FNDC10: variants seen among roughly 807,000 people sequenced by gnomAD.
The protein encoded by FNDC10 is fibronectin type III domain-containing protein 10.
FNDC10 carries 8 observed loss-of-function variants against 11.6 expected under a neutral mutation model. The ratio of observed to expected loss-of-function variants is 0.69; its 90% CI spans 0.41 to 1.25. FNDC10 has a LOEUF of 1.25. Ranked by LOEUF, FNDC10 falls within the 50% of genes most tolerant of loss-of-function variation. The probability of loss-of-function intolerance (pLI) is 0.01; values close to 1 mark genes in which losing one functional copy is unlikely to be tolerated. For missense variants in FNDC10, 308 were observed against 330.2 expected, an observed-to-expected ratio of 0.93 and a Z score of 0.52; for synonymous variants, 187 against 162.9, an observed-to-expected ratio of 1.15 and a Z score of -1.12.
chr1:1,599,614 C>T lies in FNDC10; in HGVS notation c.402G>A (p.Leu134=). ...GGACGCTGTCGTGCACGTCGGGCAGCAGGTAGTCGCGGCAGGAGGCCCCGA... is the reference window on the plus strand; with the variant it reads ...GGACGCTGTCGTGCACGTCGGGCAGTAGGTAGTCGCGGCAGGAGGCCCCGA... ...VLLGASCRDY[L]LPDVHDSVLY... Residue 134 remains leucine (L), a synonymous_variant, in exon 1 of 1, where the codon CTG becomes CTA. Transcript: ENST00000422725. This position sits in a 1 kb window ranked among gnomAD's most constrained non-coding sequence, Gnocchi z 6.7. 1 of 1,499,766 alleles carries T rather than the reference C, an allele frequency of 6.7e-7. No individual in the cohort carries two copies. Among genetic ancestry groups the T allele is most frequent in the South Asian group, 1.2e-5 (1 of 80,766 alleles). The allele number at this position is 1,499,766 out of a possible 1,614,324, so 92.9% of individuals were successfully genotyped here. A position where few individuals can be genotyped will look rare whatever the true frequency, so the allele number is the denominator to read the frequency against.
In FNDC10 at chr1:1,600,023, C is replaced by T. The variant is rs1643095582; in HGVS notation, c.-8G>A. On this transcript the variant is annotated 5_prime_UTR_variant, in exon 1 of 1. Transcript: ENST00000422725. ...CAGCGGCGGGGCGCGCATCCTGCGGCGGGGCCACGGGGCGCGGCGCTGGGT... is the reference window on the plus strand; with the variant it reads ...CAGCGGCGGGGCGCGCATCCTGCGGTGGGGCCACGGGGCGCGGCGCTGGGT... The T allele has an allele frequency of 4.1e-6, 4 of 978,794 alleles. No homozygotes were observed. Among genetic ancestry groups the T allele is most frequent in the Non-Finnish European group, 4.8e-6 (4 of 826,990 alleles). The allele number at this position is 978,794 out of a possible 1,614,324, so 60.6% of individuals were successfully genotyped here.
Position 1,599,646 on chromosome 1 carries a change from C to T in FNDC10, c.370G>A (p.Val124Met). The change falls in exon 1 of 1, where the codon GTG (valine) becomes ATG (methionine). Residue 124 changes from valine (V) to methionine (M), a missense_variant. Physicochemically the swap from Val to Met is conservative, Grantham distance 21 (BLOSUM62 1). Transcript: ENST00000422725. The surrounding 1 kb of genome is among the most constrained non-coding windows in gnomAD (Gnocchi z 6.7). ...GAYTRFPCER[V>M]LLGASCRDYL... ...TCGCGGCAGGAGGCCCCGAGGAGCA[C>T]GCGCTCGCACGGGAAGCGCGTGTAG... The T allele has an allele frequency of 6.8e-7, 1 of 1,477,336 alleles. No individual in the cohort carries two copies. Among genetic ancestry groups the T allele is most frequent in the Admixed American group, 2.3e-5 (1 of 44,202 alleles). 91.5% of individuals were successfully genotyped at this position (1,477,336 alleles called of 1,614,324 possible).
chr1:1,599,032 C>T lies in FNDC10; in HGVS notation c.*303G>A, dbSNP rs761992683. On this transcript the variant is annotated 3_prime_UTR_variant, in exon 1 of 1. Coordinates refer to ENST00000422725, the MANE Select transcript of FNDC10 (RefSeq NM_001242659.2). This position sits in a 1 kb window ranked among gnomAD's most constrained non-coding sequence, Gnocchi z 6.7. ...TGAGCCGGAGTGCCCATGGCTCTTG[C>T]TGGAAGGGGCTCCATGCCCTGGCCG... 2.5e-5 allele frequency: 11 copies of T among 443,508 alleles called. No individual in the cohort carries two copies. Among genetic ancestry groups the T allele is most frequent in the Non-Finnish European group, 3.6e-5 (9 of 251,066 alleles). The allele number at this position is 443,508 out of a possible 1,614,324, so 27.5% of individuals were successfully genotyped here.
rs1643091734 is a variant in FNDC10, at chr1:1,599,822, T to G, written c.194A>C (p.Gln65Pro). 2 of 1,129,998 alleles carry G rather than the reference T, an allele frequency of 1.8e-6. No individual in the cohort carries two copies. Among genetic ancestry groups the G allele is most frequent in the Non-Finnish European group, 1.1e-6 (1 of 926,382 alleles). The allele number at this position is 1,129,998 out of a possible 1,614,324, so 70.0% of individuals were successfully genotyped here. The change falls in exon 1 of 1, where the codon CAG (glutamine) becomes CCG (proline). Residue 65 changes from glutamine (Q) to proline (P), a missense_variant. By Grantham distance (76) the Gln-to-Pro change is moderately conservative. Coordinates refer to ENST00000422725, the MANE Select transcript of FNDC10 (RefSeq NM_001242659.2). The surrounding 1 kb of genome is among the most constrained non-coding windows in gnomAD (Gnocchi z 6.7). ...GGCGTGCAGCACGCAGCCCGGAGCC[T>G]GGCAGCGGAAGCCGCGCGCGGGGCT... ...FRSPARGFRC[Q>P]APGCVLHAPA... is the part of the protein sequence containing the mutation.
At position 1,599,650 on chromosome 1, in the gene FNDC10, C is replaced by T; in HGVS notation, c.366G>A (p.Glu122=). 5 of 1,477,726 alleles carry T rather than the reference C, an allele frequency of 3.4e-6. No individual in the cohort carries two copies. The highest frequency in any genetic ancestry group is 4.5e-6 in the Non-Finnish European group (5 of 1,118,720). The allele number at this position is 1,477,726 out of a possible 1,614,324, so 91.5% of individuals were successfully genotyped here. A position where few individuals can be genotyped will look rare whatever the true frequency, so the allele number is the denominator to read the frequency against. Residue 122 remains glutamate, a synonymous_variant, in exon 1 of 1, where the codon GAG becomes GAA. Transcript: ENST00000422725. The surrounding 1 kb of genome is among the most constrained non-coding windows in gnomAD (Gnocchi z 6.7). ...WRGAYTRFPC[E]RVLLGASCRD... ...GGCAGGAGGCCCCGAGGAGCACGCG[C>T]TCGCACGGGAAGCGCGTGTAGGCGC...
chr1:1,599,774 G>C lies in FNDC10; in HGVS notation c.242C>G (p.Ala81Gly). 8.0e-7 allele frequency: 1 copy of C among 1,251,744 alleles called. No homozygotes were observed. The highest frequency in any genetic ancestry group is 1.0e-6 in the Non-Finnish European group (1 of 1,002,656). 77.5% of individuals were successfully genotyped at this position (1,251,744 alleles called of 1,614,324 possible). ...LHAPAGRSLRASVLRNRSVLL... is the reference protein window; with the variant it reads ...LHAPAGRSLRGSVLRNRSVLL... ...GACGCTGCGGTTGCGCAGGACGCTG[G>C]CGCGCAGGGAGCGGCCGGCCGGGGC... Residue 81 changes from alanine (A) to glycine (G), a missense_variant, in exon 1 of 1, where the codon GCC becomes GGC. Physicochemically the swap from Ala to Gly is moderately conservative, Grantham distance 60 (BLOSUM62 0). Transcript: ENST00000422725. The surrounding 1 kb of genome is among the most constrained non-coding windows in gnomAD (Gnocchi z 6.7).
At position 1,599,024 on chromosome 1, in the gene FNDC10, G is replaced by A. The variant is rs1643079157; in HGVS notation, c.*311C>T. On this transcript the variant is annotated 3_prime_UTR_variant, in exon 1 of 1. Coordinates refer to ENST00000422725, the MANE Select transcript of FNDC10 (RefSeq NM_001242659.2). This position sits in a 1 kb window ranked among gnomAD's most constrained non-coding sequence, Gnocchi z 6.7. ...GTGCGGGGTGAGCCGGAGTGCCCAT[G>A]GCTCTTGCTGGAAGGGGCTCCATGC... 2.7e-5 allele frequency: 12 copies of A among 437,210 alleles called. No individual in the cohort carries two copies. The highest frequency in any genetic ancestry group is 4.0e-5 in the Non-Finnish European group (10 of 247,008). 27.1% of individuals were successfully genotyped at this position (437,210 alleles called of 1,614,324 possible). A position where few individuals can be genotyped will look rare whatever the true frequency, so the allele number is the denominator to read the frequency against.
In FNDC10 at chr1:1,599,838, G is replaced by C. The variant is rs1286062342; in HGVS notation, c.178C>G (p.Arg60Gly). ...GGRLCFRSPA[R>G]GFRCQAPGCV... ...CCCGGAGCCTGGCAGCGGAAGCCGC[G>C]CGCGGGGCTGCGGAAGCACAGGCGC... The change falls in exon 1 of 1, where the codon CGC becomes GGC. Residue 60 changes from arginine to glycine, a missense_variant. Arg to Gly is a moderately radical substitution (Grantham distance 125, BLOSUM62 -2). Coordinates refer to ENST00000422725, the MANE Select transcript of FNDC10 (RefSeq NM_001242659.2). This position sits in a 1 kb window ranked among gnomAD's most constrained non-coding sequence, Gnocchi z 6.7. The C allele has an allele frequency of 5.5e-6, 6 of 1,085,716 alleles. No homozygotes were observed. Among genetic ancestry groups the C allele is most frequent in the Non-Finnish European group, 6.7e-6 (6 of 897,364 alleles). The allele number at this position is 1,085,716 out of a possible 1,614,324, so 67.3% of individuals were successfully genotyped here.
rs1470758524 is a variant in FNDC10 at position 1,599,475 on chromosome 1, G to C, written c.541C>G (p.Gln181Glu). The C allele has an allele frequency of 2.7e-5, 41 of 1,533,156 alleles. No individual in the cohort carries two copies. The highest frequency in any genetic ancestry group is 3.5e-5 in the Non-Finnish European group (40 of 1,145,960). 95.0% of individuals were successfully genotyped at this position (1,533,156 alleles called of 1,614,324 possible). The part of the protein sequence containing the change: ...VEFTAEPAGM[Q>E]DIVVAMTAVG... ...GCCGTCATGGCCACCACGATGTCCT[G>C]CATGCCGGCCGGCTCGGCGGTGAAC... Residue 181 changes from glutamine (Q) to glutamate (E), a missense_variant, in exon 1 of 1, where the codon CAG becomes GAG. By Grantham distance (29) the Gln-to-Glu change is conservative (BLOSUM62 2). Transcript: ENST00000422725. The surrounding 1 kb of genome is among the most constrained non-coding windows in gnomAD (Gnocchi z 6.7).
rs1483274521 is a variant in FNDC10 at position 1,598,410 on chromosome 1, C to T, written c.*925G>A. 6.6e-6 allele frequency: 1 copy of T among 152,232 alleles called. No homozygotes were observed. Among genetic ancestry groups the T allele is most frequent in the East Asian group, 1.9e-4 (1 of 5,198 alleles). 9.4% of individuals were successfully genotyped at this position (152,232 alleles called of 1,614,324 possible). Reference sequence around the variant, plus strand: ...GGGCATGCAAAGGCTAGGGGTGGTGCTGTCAGTCACACCGTTGCCACCAAG... The same window carrying T: ...GGGCATGCAAAGGCTAGGGGTGGTGTTGTCAGTCACACCGTTGCCACCAAG... On this transcript the variant is annotated 3_prime_UTR_variant, in exon 1 of 1. Coordinates refer to ENST00000422725, the MANE Select transcript of FNDC10 (RefSeq NM_001242659.2).
rs112416351 is a variant in FNDC10, at chr1:1,598,377, C to T, written c.*958G>A. The T allele has an allele frequency of 0.023, 3,539 of 152,348 alleles. 109 individuals carry two copies. Among genetic ancestry groups the T allele is most frequent in the African/African-American group, 0.069 (2,871 of 41,528 alleles). The allele number at this position is 152,348 out of a possible 1,614,324, so 9.4% of individuals were successfully genotyped here. On this transcript the variant is annotated 3_prime_UTR_variant, in exon 1 of 1. Transcript: ENST00000422725. ...ATTGTCTGGGCCGGATACTGGCTCTCGACCCCTGGGCATGCAAAGGCTAGG... is the reference window on the plus strand; with the variant it reads ...ATTGTCTGGGCCGGATACTGGCTCTTGACCCCTGGGCATGCAAAGGCTAGG...
At position 1,599,250 on chromosome 1, in the gene FNDC10, A is replaced by C; in HGVS notation, c.*85T>G. On this transcript the variant is annotated 3_prime_UTR_variant, in exon 1 of 1. Transcript: ENST00000422725. This position sits in a 1 kb window ranked among gnomAD's most constrained non-coding sequence, Gnocchi z 6.7. The stretch of plus-strand genomic sequence containing the variant: ...CGGGGATCTTAAGGAGGCAGCAGGA[A>C]TGAGGAGAGGAGAGCGGGCGGAGGA... The C allele has an allele frequency of 1.6e-6, 2 of 1,273,358 alleles. No homozygotes were observed. The highest frequency in any genetic ancestry group is 2.1e-6 in the Non-Finnish European group (2 of 961,742). The allele number at this position is 1,273,358 out of a possible 1,614,324, so 78.9% of individuals were successfully genotyped here.
rs1643079434 is a variant in FNDC10 at position 1,599,057 on chromosome 1, G to C, written c.*278C>G. 4.3e-6 allele frequency: 2 copies of C among 468,844 alleles called. No homozygotes were observed. Among genetic ancestry groups the C allele is most frequent in the Admixed American group, 4.1e-5 (1 of 24,656 alleles). The allele number at this position is 468,844 out of a possible 1,614,324, so 29.0% of individuals were successfully genotyped here. On this transcript the variant is annotated 3_prime_UTR_variant, in exon 1 of 1. Coordinates refer to ENST00000422725, the MANE Select transcript of FNDC10 (RefSeq NM_001242659.2). The surrounding 1 kb of genome is among the most constrained non-coding windows in gnomAD (Gnocchi z 6.7). Reference sequence around the variant, plus strand: ...CTGGAAGGGGCTCCATGCCCTGGCCGCCTCTATAAAGGCCTGCGGAGAGCG... The same window carrying C: ...CTGGAAGGGGCTCCATGCCCTGGCCCCCTCTATAAAGGCCTGCGGAGAGCG...
In FNDC10 at chr1:1,599,054, G is replaced by T. The variant is rs1643079409; in HGVS notation, c.*281C>A. 2.1e-6 allele frequency: 1 copy of T among 468,352 alleles called. No homozygotes were observed. Among genetic ancestry groups the T allele is most frequent in the Non-Finnish European group, 3.7e-6 (1 of 267,100 alleles). 29.0% of individuals were successfully genotyped at this position (468,352 alleles called of 1,614,324 possible). ...TTGCTGGAAGGGGCTCCATGCCCTG[G>T]CCGCCTCTATAAAGGCCTGCGGAGA... On this transcript the variant is annotated 3_prime_UTR_variant, in exon 1 of 1. Transcript: ENST00000422725. This position sits in a 1 kb window ranked among gnomAD's most constrained non-coding sequence, Gnocchi z 6.7.
chr1:1,599,670 A>C lies in FNDC10; in HGVS notation c.346T>G (p.Tyr116Asp), dbSNP rs1385205729. Residue 116 changes from tyrosine to aspartate, a missense_variant, in exon 1 of 1, where the codon TAC becomes GAC. Tyr to Asp is a radical substitution (Grantham distance 160, BLOSUM62 -3). Transcript: ENST00000422725. The surrounding 1 kb of genome is among the most constrained non-coding windows in gnomAD (Gnocchi z 6.7). ...ACGCGCTCGCACGGGAAGCGCGTGTAGGCGCCGCGCCACGAGCAGTTGAGC... is the reference window on the plus strand; with the variant it reads ...ACGCGCTCGCACGGGAAGCGCGTGTCGGCGCCGCGCCACGAGCAGTTGAGC... ...FALNCSWRGA[Y>D]TRFPCERVLL... 6.9e-7 allele frequency: 1 copy of C among 1,445,290 alleles called. No individual in the cohort carries two copies. The highest frequency in any genetic ancestry group is 9.0e-7 in the Non-Finnish European group (1 of 1,105,180). The allele number at this position is 1,445,290 out of a possible 1,614,324, so 89.5% of individuals were successfully genotyped here. A position where few individuals can be genotyped will look rare whatever the true frequency, so the allele number is the denominator to read the frequency against.
Position 1,600,011 on chromosome 1 carries a change from C to G in FNDC10, c.5G>C (p.Arg2Pro), listed in dbSNP as rs1215999742. 1.0e-6 allele frequency: 1 copy of G among 980,096 alleles called. No individual in the cohort carries two copies. The highest frequency in any genetic ancestry group is 1.8e-5 in the African/African-American group (1 of 56,538). 60.7% of individuals were successfully genotyped at this position (980,096 alleles called of 1,614,324 possible). MRAPPLLLLLAA... is the reference protein window; with the variant it reads MPAPPLLLLLAA... Reference sequence around the variant, plus strand: ...CAGCAGCAGCAGCAGCGGCGGGGCGCGCATCCTGCGGCGGGGCCACGGGGC... The same window carrying G: ...CAGCAGCAGCAGCAGCGGCGGGGCGGGCATCCTGCGGCGGGGCCACGGGGC... Residue 2 changes from arginine (R) to proline (P), a missense_variant, in exon 1 of 1, where the codon CGC becomes CCC. Coordinates refer to ENST00000422725, the MANE Select transcript of FNDC10 (RefSeq NM_001242659.2).
At position 1,599,090 on chromosome 1, in the gene FNDC10, C is replaced by A; in HGVS notation, c.*245G>T. The A allele has an allele frequency of 1.9e-6, 1 of 539,130 alleles. No individual in the cohort carries two copies. Among genetic ancestry groups the A allele is most frequent in the Non-Finnish European group, 3.2e-6 (1 of 308,398 alleles). 33.4% of individuals were successfully genotyped at this position (539,130 alleles called of 1,614,324 possible). On this transcript the variant is annotated 3_prime_UTR_variant, in exon 1 of 1. Transcript: ENST00000422725. The surrounding 1 kb of genome is among the most constrained non-coding windows in gnomAD (Gnocchi z 6.7). ...AAAGGCCTGCGGAGAGCGGGGAGAG[C>A]CCTGGATGCGGCTGGCACAGCAGCG...
Position 1,599,486 on chromosome 1 carries a change from G to C in FNDC10, c.530C>G (p.Pro177Arg), listed in dbSNP as rs1331877735. 1 of 1,532,264 alleles carries C rather than the reference G, an allele frequency of 6.5e-7. No individual in the cohort carries two copies. The highest frequency in any genetic ancestry group is 8.7e-7 in the Non-Finnish European group (1 of 1,145,686). The allele number at this position is 1,532,264 out of a possible 1,614,324, so 94.9% of individuals were successfully genotyped here. A position where few individuals can be genotyped will look rare whatever the true frequency, so the allele number is the denominator to read the frequency against. ...CACCACGATGTCCTGCATGCCGGCC[G>C]GCTCGGCGGTGAACTCCACGCACTC... ...PAECVEFTAE[P>R]AGMQDIVVAM... Residue 177 changes from proline (P) to arginine (R), a missense_variant, in exon 1 of 1, where the codon CCG becomes CGG. Coordinates refer to ENST00000422725, the MANE Select transcript of FNDC10 (RefSeq NM_001242659.2). The surrounding 1 kb of genome is among the most constrained non-coding windows in gnomAD (Gnocchi z 6.7).
In FNDC10 at chr1:1,599,522, G is replaced by A. The variant is rs776938418; in HGVS notation, c.494C>T (p.Pro165Leu). ...AGPAAAAPET[P>L]EPAECVEFTA... is the part of the protein sequence containing the mutation. Reference sequence around the variant, plus strand: ...GAACTCCACGCACTCGGCCGGCTCGGGGGTCTCTGGCGCGGCGGCGGCGGG... The same window carrying A: ...GAACTCCACGCACTCGGCCGGCTCGAGGGTCTCTGGCGCGGCGGCGGCGGG... Residue 165 changes from proline to leucine, a missense_variant, in exon 1 of 1, where the codon CCC becomes CTC. Coordinates refer to ENST00000422725, the MANE Select transcript of FNDC10 (RefSeq NM_001242659.2). This position sits in a 1 kb window ranked among gnomAD's most constrained non-coding sequence, Gnocchi z 6.7. 5.3e-6 allele frequency: 8 copies of A among 1,514,544 alleles called. No homozygotes were observed. The highest frequency in any genetic ancestry group is 4.3e-5 in the African/African-American group (3 of 69,938). 93.8% of individuals were successfully genotyped at this position (1,514,544 alleles called of 1,614,324 possible).
Sources: gnomAD v4.1 joint callset for allele counts on GRCh38, gnomAD v4.1.1 for gene constraint, Gnocchi (gnomAD v3.1) non-coding constraint, MANE v1.5 for transcripts, NCBI Gene and HGNC (gene_info 2026-07-23, HGNC 2026-07-21) for gene names.